The following KCNIP4 variants were observed in gnomAD, a reference collection of about 807,000 sequenced individuals.
KCNIP4 encodes Kv channel-interacting protein 4.
In KCNIP4, 12 loss-of-function variants were observed where a neutral mutation model predicts 34.0. The observed-to-expected ratio is 0.35, with a 90% CI of 0.23 to 0.57. KCNIP4 has a LOEUF of 0.57. Among genes scored for constraint, KCNIP4 ranks in the 20% least tolerant of loss-of-function variants. The pLI is 0.83. For missense variants in KCNIP4, 238 were observed against 311.7 expected, an observed-to-expected ratio of 0.76 and a Z score of 1.78; for synonymous variants, 124 against 102.2, an observed-to-expected ratio of 1.21 and a Z score of -1.29.
In KCNIP4 at chr4:21,597,716, A is replaced by G. The variant is rs1350409171; in HGVS notation, c.61+350855T>C. Among the ~76,000 whole-genome samples, 3 of 152,162 alleles carry G rather than the reference A, an allele frequency of 2.0e-5. No homozygotes were observed. The East Asian group carries it at 5.8e-4, about 29-fold the overall frequency. On this transcript the variant is annotated intron_variant, in intron 1 of 8. Coordinates refer to ENST00000382152, the MANE Select transcript of KCNIP4 (RefSeq NM_025221.6). ...AGAGTTGGCAGATTGGGGATGACCC[A>G]AAATTACAGGATTTAGGACATTTTC...
intron 1 of KCNIP4, among the ~76,000 whole-genome samples, chr4:21,903,208 C>A (rs1351496915): frequency 6.6e-6 from 1 of 152,108 alleles, no homozygotes; most frequent in East Asian, 1.9e-4. Context: ...TAGTTTATTT[C>A]TTTATTCCTT....
intron 1 of KCNIP4, among the ~76,000 whole-genome samples, chr4:21,626,317 C>A (rs933845679): frequency 1.3e-5 from 2 of 151,860 alleles, no homozygotes; most frequent in Non-Finnish European, 2.9e-5. Flanking sequence ...TTAGATGAGG[C>A]CACGAATGGT....
intron 3 of KCNIP4, among the ~76,000 whole-genome samples, chr4:20,826,855 C>A (rs1717823820): frequency 6.6e-6 from 1 of 152,134 alleles, no homozygotes; most frequent in Admixed American, 6.5e-5. Flanking sequence ...GAAACAAGGT[C>A]TTCTAAAAGT....
At chr4:21,628,959 A>C (rs1411839524) in intron 1 of KCNIP4, among the ~76,000 whole-genome samples, 1 of 152,174 alleles carries the variant, frequency 6.6e-6, no homozygotes, top group African/African-American at 2.4e-5. Flanking sequence ...TTTGTGGAAA[A>C]TCTGAAGTAC....
At chr4:20,915,737 T>C (rs1000838423) in intron 1 of KCNIP4, among the ~76,000 whole-genome samples, 5 of 152,174 alleles carry the variant, frequency 3.3e-5, no homozygotes, top group African/African-American at 7.2e-5. Context: ...TTTGATCTAC[T>C]AGTCAGTGAA....
At chr4:20,864,101 TATGTATGTATACATATCCATGTATACAC>T (rs1456155486) in intron 2 of KCNIP4, among the ~76,000 whole-genome samples, 6 of 125,988 alleles carry the variant, frequency 4.8e-5, no homozygotes, top group African/African-American at 8.2e-5. Context: ...CATGTATACG[TATGTATGTATACATATCCATGTATACAC>T]ATGTATGTAT....
intron 1 of KCNIP4, among the ~76,000 whole-genome samples, chr4:21,677,610 T>G (rs1016631023): frequency 6.6e-6 from 1 of 152,216 alleles, no homozygotes; most frequent in South Asian, 2.1e-4. Flanking sequence ...TCCACTGGTA[T>G]GCATGCCAAT....
chr4:20,921,086 GT>G (rs1729353027), intron 1 of KCNIP4, among the ~76,000 whole-genome samples: 2 of 152,118 alleles, frequency 1.3e-5, no homozygotes. Context: ...TAGAGAAGGG[GT>G]TGTTTCTACA....
At chr4:21,457,795 T>C (rs1376717428) in intron 1 of KCNIP4, among the ~76,000 whole-genome samples, 2 of 152,034 alleles carry the variant, frequency 1.3e-5, no homozygotes, top group African/African-American at 4.8e-5. Flanking sequence ...GGGAATGTAG[T>C]CCATCATTGC....
intron 1 of KCNIP4, among the ~76,000 whole-genome samples, chr4:21,436,601 C>G (rs1726963006): frequency 6.6e-6 from 1 of 152,156 alleles, no homozygotes; most frequent in African/African-American, 2.4e-5. Context: ...GTTCTGTGAA[C>G]TGAATTCAAA....
chr4:21,928,157 G>C (rs766623891), intron 1 of KCNIP4, among the ~76,000 whole-genome samples: 10 of 148,274 alleles, frequency 6.7e-5, no homozygotes, highest in East Asian at 2.0e-4. Context: ...CCATACTGAA[G>C]TTTTCTTTTC....
intron 1 of KCNIP4, among the ~76,000 whole-genome samples, chr4:21,288,729 G>T (rs1206678512): frequency 6.6e-6 from 1 of 152,112 alleles, no homozygotes; most frequent in Non-Finnish European, 1.5e-5. Flanking sequence ...CCACCACCAG[G>T]ACATCTGTGA....
At chr4:21,732,032 A>G (rs1209836520) in intron 1 of KCNIP4, among the ~76,000 whole-genome samples, 1 of 150,732 alleles carries the variant, frequency 6.6e-6, no homozygotes, top group Non-Finnish European at 1.5e-5. Flanking sequence ...ATAAAAATAT[A>G]TATATATTTA....
intron 1 of KCNIP4, among the ~76,000 whole-genome samples, chr4:21,283,375 TCAACCA>T (rs1762900913): frequency 6.6e-6 from 1 of 152,054 alleles, no homozygotes; most frequent in Non-Finnish European, 1.5e-5. Flanking sequence ...AGGTGGACAA[TCAACCA>T]CCTATCCATT....
intron 3 of KCNIP4, among the ~76,000 whole-genome samples, chr4:20,802,321 A>C (rs1169667398): frequency 6.6e-6 from 1 of 150,414 alleles, no homozygotes; most frequent in Non-Finnish European, 1.5e-5. Flanking sequence ...ATATGCACAC[A>C]CACACACGTC....
At position 21,752,356 on chromosome 4, in the gene KCNIP4, C is replaced by T. The variant is rs144318386; in HGVS notation, c.61+196215G>A. ...GGGCAAGCAAGCTTGTACCTTCTCA[C>T]ATGTCAGTAGGAAAGAGAGAGTGAG... On this transcript the variant is annotated intron_variant, in intron 1 of 8. Transcript: ENST00000382152. Among the ~76,000 whole-genome samples, 197 of 152,202 alleles carry T rather than the reference C, an allele frequency of 1.3e-3. 1 individual carries two copies. The highest frequency in any genetic ancestry group is 4.4e-3 in the African/African-American group (184 of 41,554).
chr4:21,242,028 G>A (rs916883019), intron 1 of KCNIP4, among the ~76,000 whole-genome samples: 2 of 151,928 alleles, frequency 1.3e-5, no homozygotes, highest in African/African-American at 2.4e-5. Context: ...GCCAGGCGTG[G>A]TGGTGGGTGC....
intron 1 of KCNIP4, among the ~76,000 whole-genome samples, chr4:21,329,029 T>A (rs1715363978): frequency 6.6e-6 from 1 of 152,274 alleles, no homozygotes; most frequent in Non-Finnish European, 1.5e-5. Flanking sequence ...GAGAGCAAAG[T>A]ATCTTTGCCT....
chr4:21,808,180 T>C lies in KCNIP4; in HGVS notation c.61+140391A>G, dbSNP rs185957813. 2.6e-3 allele frequency among the ~76,000 whole-genome samples: 391 copies of C among 152,260 alleles called. 1 individual carries two copies. The highest frequency in any genetic ancestry group is 4.7e-3 in the Non-Finnish European group (322 of 68,008). On this transcript the variant is annotated intron_variant, in intron 1 of 8. Coordinates refer to ENST00000382152, the MANE Select transcript of KCNIP4 (RefSeq NM_025221.6). ...GTTTTGATATTGTCACATCCCAACA[T>C]GGAATAGGAATCTGCTTTAGTCTCC...
Sources: allele counts gnomAD v4.1 joint callset (sites outside exome capture counted in the v4.1 genomes callset), GRCh38; gene constraint gnomAD v4.1.1; transcripts MANE v1.5; gene names NCBI Gene and HGNC (gene_info 2026-07-23, HGNC 2026-07-21).